ZNG1A: variants seen among roughly 807,000 people sequenced by gnomAD.
The protein encoded by ZNG1A is Zn regulated GTPase metalloprotein activator 1A, also known as zinc-regulated GTPase metalloprotein activator 1A.
the ZNG1A span, among the ~76,000 whole-genome samples, chr9:177,283 G>C: frequency 6.6e-6 from 1 of 152,132 alleles, no homozygotes; most frequent in African/African-American, 2.4e-5. Context: ...GTGTGACGCA[G>C]TCGGATTGAC....
At chr9:138,705 C>T in the ZNG1A span, among the ~76,000 whole-genome samples, 1 of 141,476 alleles carries the variant, frequency 7.1e-6, no homozygotes. Context: ...TTGAGACCAG[C>T]CTAGGCAACA....
At chr9:177,745 C>T in the ZNG1A span, 9 of 1,536,370 alleles carry the variant, frequency 5.9e-6, no homozygotes, top group Non-Finnish European at 7.9e-6. Flanking sequence ...CGGGAAAGGC[C>T]CGAGCGGCAC....
chr9:171,804 C>T, the ZNG1A span: 4 of 438,604 alleles, frequency 9.1e-6, no homozygotes, highest in Non-Finnish European at 1.7e-5. Flanking sequence ...CCTACATGTC[C>T]TTATTTTTAA....
the ZNG1A span, among the ~76,000 whole-genome samples, chr9:169,880 T>TTTTTTTTA: frequency 1.4e-5 from 1 of 71,376 alleles, no homozygotes; most frequent in Non-Finnish European, 2.9e-5. Context: ...TTTTTTTTTT[T>TTTTTTTTA]AAGAAATGGG....
the ZNG1A span, among the ~76,000 whole-genome samples, chr9:176,841 G>GAAA: frequency 1.4e-5 from 2 of 143,114 alleles, no homozygotes; most frequent in South Asian, 2.2e-4. Flanking sequence ...ACCATATTAT[G>GAAA]AAAAAAAAAA....
At chr9:136,896 T>G in the ZNG1A span, among the ~76,000 whole-genome samples, 1 of 151,402 alleles carries the variant, frequency 6.6e-6, no homozygotes, top group Non-Finnish European at 1.5e-5. Context: ...AATAAAAAAT[T>G]AGCCAGGCAT....
the ZNG1A span, among the ~76,000 whole-genome samples, chr9:163,101 G>T: frequency 1.3e-5 from 2 of 151,398 alleles, no homozygotes; most frequent in Non-Finnish European, 3.0e-5. Context: ...AGAGCTCAAT[G>T]ATGGGGCCCA....
the ZNG1A span, among the ~76,000 whole-genome samples, chr9:133,520 C>T: frequency 7.1e-6 from 1 of 140,132 alleles, no homozygotes; most frequent in Non-Finnish European, 1.5e-5. Flanking sequence ...GAAATAAAAT[C>T]AGCTAAATGT....
At chr9:161,962 G>A in the ZNG1A span, among the ~76,000 whole-genome samples, 1 of 150,230 alleles carries the variant, frequency 6.7e-6, no homozygotes, top group Admixed American at 6.6e-5. Context: ...TTGTTACATA[G>A]GTAAACGGGT....
the ZNG1A span, chr9:121,499 T>C: frequency 8.1e-6 from 13 of 1,611,542 alleles, no homozygotes; most frequent in African/African-American, 9.3e-5. Context: ...TGGAAACGTG[T>C]TGTCCACTGC....
chr9:135,803 C>A, the ZNG1A span, among the ~76,000 whole-genome samples: 1 of 114,274 alleles, frequency 8.8e-6, no homozygotes, highest in Non-Finnish European at 1.6e-5. Context: ...GAATGAGTCT[C>A]TTTGGGGGGT....
the ZNG1A span, among the ~76,000 whole-genome samples, chr9:130,119 T>C: frequency 6.6e-6 from 1 of 151,242 alleles, no homozygotes; most frequent in Non-Finnish European, 1.5e-5. Context: ...TGTTATGCGG[T>C]GCATGACTAT....
At chr9:162,711 TA>T in the ZNG1A span, among the ~76,000 whole-genome samples, 1 of 151,054 alleles carries the variant, frequency 6.6e-6, no homozygotes, top group African/African-American at 2.5e-5. Flanking sequence ...ATAAAACAAA[TA>T]AAAATTTTAA....
the ZNG1A span, among the ~76,000 whole-genome samples, chr9:125,367 G>C: frequency 2.0e-5 from 3 of 146,486 alleles, no homozygotes; most frequent in East Asian, 5.9e-4. Flanking sequence ...TTTAAGAATT[G>C]TCTATTCATG....
At chr9:138,677 T>C in the ZNG1A span, among the ~76,000 whole-genome samples, 2 of 144,156 alleles carry the variant, frequency 1.4e-5, no homozygotes, top group Admixed American at 6.9e-5. Flanking sequence ...GGCATGAGGA[T>C]CACTTGAGCC....
the ZNG1A span, among the ~76,000 whole-genome samples, chr9:133,753 C>T: frequency 1.6e-4 from 24 of 146,990 alleles, no homozygotes; most frequent in Admixed American, 4.1e-4. Context: ...ATTTGAGAAA[C>T]GCAGCTTTTC....
the ZNG1A span, chr9:171,853 A>G: frequency 3.8e-4 from 219 of 580,560 alleles, no homozygotes; most frequent in African/African-American, 3.4e-3. Context: ...GTCAATCAAT[A>G]AAACTTCAAA....
chr9:121,908 T>C, the ZNG1A span: 3 of 1,611,540 alleles, frequency 1.9e-6, no homozygotes, highest in Non-Finnish European at 1.7e-6. Flanking sequence ...ATGATATCCC[T>C]TTCAAATATA....
At chr9:128,999 G>A in the ZNG1A span, among the ~76,000 whole-genome samples, 1 of 151,840 alleles carries the variant, frequency 6.6e-6, no homozygotes, top group East Asian at 1.9e-4. Context: ...TGGTACTGGG[G>A]GGTAGTCTGC....
Sources: gnomAD v4.1 joint callset for allele counts (sites outside exome capture counted in the v4.1 genomes callset) on GRCh38, gnomAD v4.1.1 for gene constraint, MANE v1.5 for transcripts, NCBI Gene and HGNC (gene_info 2026-07-23, HGNC 2026-07-21) for gene names.